The following FRMD1 variants were observed in gnomAD, a reference collection of about 807,000 sequenced individuals.
The protein encoded by FRMD1 is FERM domain-containing protein 1.
A neutral mutation model predicts 54.9 loss-of-function variants in FRMD1; 51 were observed. That is an observed-to-expected ratio of 0.93 (90% CI 0.74 to 1.17). FRMD1 has a LOEUF of 1.17. Among genes scored for constraint, FRMD1 ranks in the 50% most tolerant of loss-of-function variants. FRMD1 has a pLI of 0.00. For missense variants in FRMD1, 729 were observed against 743.0 expected (o/e 0.98, Z 0.22); for synonymous variants, 324 against 306.4 (o/e 1.06, Z -0.60).
chr6:168,063,824 G>A, intron 5 of FRMD1, 68 bp from the exon 6 acceptor site: 1 of 1,487,818 alleles, frequency 6.7e-7, no homozygotes. Flanking sequence ...CCAGCCCCCT[G>A]CTCCGAGAAG....
chr6:168,082,392 A>AC (rs1190126312), upstream of FRMD1, among the ~76,000 whole-genome samples: 1 of 152,006 alleles, frequency 6.6e-6, no homozygotes, highest in Non-Finnish European at 1.5e-5. Flanking sequence ...CCCTTCGGCC[A>AC]CCCGACCCCT....
intron 2 of FRMD1, among the ~76,000 whole-genome samples, chr6:168,073,281 G>A (rs915242514): frequency 2.0e-5 from 3 of 151,964 alleles, no homozygotes; most frequent in East Asian, 1.9e-4. Context: ...AAAGGGAGGC[G>A]CCCTCCAGCT....
At chr6:168,084,406 TAG>T (rs904896035), upstream of FRMD1, among the ~76,000 whole-genome samples, 1 of 152,206 alleles carries the variant, frequency 6.6e-6, no homozygotes, top group African/African-American at 2.4e-5. Flanking sequence ...AAAAAAGCCA[TAG>T]AGAGCCAACA....
chr6:168,066,761 A>G lies in FRMD1; in HGVS notation c.455T>C (p.Val152Ala). ...RVQHYVENGRVISDHRARHLY... is the reference protein window; with the variant it reads ...RVQHYVENGRAISDHRARHLY... ...ACAGTCCGCATGCCGTTACCTTATGACCCTTCCGTTTTCCACGTAGTGCTG... is the reference window on the plus strand; with the variant it reads ...ACAGTCCGCATGCCGTTACCTTATGGCCCTTCCGTTTTCCACGTAGTGCTG... The change falls in exon 4 of 11, where the codon GTC becomes GCC. Residue 152 changes from valine (V) to alanine (A), a missense_variant. Physicochemically the swap from Val to Ala is moderately conservative, Grantham distance 64. Coordinates refer to ENST00000283309, the MANE Select transcript of FRMD1 (RefSeq NM_024919.6). 6.2e-7 allele frequency: 1 copy of G among 1,613,662 alleles called. No individual in the cohort carries two copies. The highest frequency in any genetic ancestry group is 8.5e-7 in the Non-Finnish European group (1 of 1,179,904).
chr6:168,079,173 G>T lies in FRMD1; in HGVS notation c.-79C>A. 1.4e-6 allele frequency: 2 copies of T among 1,451,372 alleles called. No individual in the cohort carries two copies. The highest frequency in any genetic ancestry group is 1.4e-5 in the South Asian group (1 of 70,042). 89.9% of individuals were successfully genotyped at this position (1,451,372 alleles called of 1,614,324 possible). A position where few individuals can be genotyped will look rare whatever the true frequency, so the allele number is the denominator to read the frequency against. On this transcript the variant is annotated 5_prime_UTR_variant, in exon 1 of 11. Transcript: ENST00000283309. ...CTCCCAGATCACAGCTGTGCTTTCC[G>T]GGACCCGCCCTTGCCGAGCTTCTCA...
At chr6:168,066,405 G>A (rs931123227) in intron 4 of FRMD1, 10 of 508,256 alleles carry the variant, frequency 2.0e-5, no homozygotes, top group Non-Finnish European at 2.1e-5. Flanking sequence ...GACTAAGGCA[G>A]AAGAATCGCT....
At chr6:168,070,152 A>T (rs1227897108) in intron 2 of FRMD1, among the ~76,000 whole-genome samples, 3 of 151,792 alleles carry the variant, frequency 2.0e-5, no homozygotes, top group Non-Finnish European at 4.4e-5. Flanking sequence ...CTGAGCCATG[A>T]TCATAGCACT....
intron 1 of FRMD1, among the ~76,000 whole-genome samples, chr6:168,088,652 C>T (rs1449188567): frequency 1.3e-5 from 2 of 152,182 alleles, no homozygotes; most frequent in African/African-American, 4.8e-5. Context: ...TGCAGCCAGG[C>T]AGGTGGGAGG....
At chr6:168,089,593 T>C (rs1176315254) in intron 1 of FRMD1, among the ~76,000 whole-genome samples, 2 of 152,238 alleles carry the variant, frequency 1.3e-5, no homozygotes, top group Non-Finnish European at 2.9e-5. Flanking sequence ...TAATCGACCA[T>C]CAGCAGCTTC....
At chr6:168,063,577 A>G (rs187719347) in intron 6 of FRMD1, 24 bp downstream of exon 6, 3 of 1,592,326 alleles carry the variant, frequency 1.9e-6, no homozygotes, top group African/African-American at 1.3e-5. Context: ...AGTCCAGCCC[A>G]TCGCTGGCCG....
At chr6:168,092,429 C>A (rs1801030198) in intron 1 of FRMD1, among the ~76,000 whole-genome samples, 1 of 152,052 alleles carries the variant, frequency 6.6e-6, no homozygotes, top group South Asian at 2.1e-4. Context: ...GTGATGTGGT[C>A]ATGGGGGTGG....
intron 2 of FRMD1, among the ~76,000 whole-genome samples, chr6:168,069,300 G>C (rs2114991229): frequency 6.6e-6 from 1 of 152,334 alleles, no homozygotes; most frequent in Non-Finnish European, 1.5e-5. Context: ...AAATCTTGTT[G>C]GTAGACAGCC....
In FRMD1 at chr6:168,059,103, G is replaced by T; in HGVS notation, c.1407+21C>A. 1 of 1,549,678 alleles carries T rather than the reference G, an allele frequency of 6.5e-7. No individual in the cohort carries two copies. ...GTGGAGGAGCAGGGCCAGGGCTTCT[G>T]GCCCGTGGGGGGGACTCTACCTGGT... On this transcript the variant is annotated intron_variant, in intron 10 of 10. Coordinates refer to ENST00000283309, the MANE Select transcript of FRMD1 (RefSeq NM_024919.6). This position sits in a 1 kb window ranked among gnomAD's most constrained non-coding sequence, Gnocchi z 4.4.
chr6:168,089,379 C>A (rs1005768538), intron 1 of FRMD1, among the ~76,000 whole-genome samples: 12 of 152,192 alleles, frequency 7.9e-5, no homozygotes, highest in African/African-American at 2.9e-4. Context: ...AGGCCCGTGG[C>A]CCTGGAGGGA....
chr6:168,061,750 C>T, intron 8 of FRMD1, 57 bp downstream of exon 8: 1 of 1,484,692 alleles, frequency 6.7e-7, no homozygotes. Context: ...GTGTGCCCAG[C>T]CTAGCCCAGA....
Position 168,063,657 on chromosome 6 carries a change from T to G in FRMD1, c.748A>C (p.Ile250Leu). ...TCCTCCAGCCGGCAGGCCTCCTGGA[T>G]GAAGCACAGCATGGCCTCCTTGGGG... is the stretch of plus-strand genomic sequence containing the variant. ...LSPKEAMLCF[I>L]QEACRLEDVP... Residue 250 changes from isoleucine (I) to leucine (L), a missense_variant, in exon 6 of 11, where the codon ATC (isoleucine) becomes CTC (leucine). Physicochemically the swap from Ile to Leu is conservative, Grantham distance 5. Coordinates refer to ENST00000283309, the MANE Select transcript of FRMD1 (RefSeq NM_024919.6). 6.2e-7 allele frequency: 1 copy of G among 1,613,798 alleles called. No homozygotes were observed. Among genetic ancestry groups the G allele is most frequent in the Non-Finnish European group, 8.5e-7 (1 of 1,179,874 alleles).
chr6:168,067,101 C>T, intron 3 of FRMD1: 1 of 705,424 alleles, frequency 1.4e-6, no homozygotes, highest in Non-Finnish European at 2.6e-6. Context: ...CCACAGTCCC[C>T]CTGCGGACAG....
At chr6:168,067,022 T>C in intron 3 of FRMD1, 191 bp from the exon 4 acceptor site, 1 of 807,190 alleles carries the variant, frequency 1.2e-6, no homozygotes, top group South Asian at 1.5e-5. Context: ...GGACGTGGTC[T>C]ACAGCGTTCA....
intron 2 of FRMD1, among the ~76,000 whole-genome samples, chr6:168,068,488 C>T (rs1800152121): frequency 6.6e-6 from 1 of 152,170 alleles, no homozygotes; most frequent in South Asian, 2.1e-4. Flanking sequence ...TCCTCATGTA[C>T]ACTTTACATC....
Sources: allele counts gnomAD v4.1 joint callset (sites outside exome capture counted in the v4.1 genomes callset), GRCh38; gene constraint gnomAD v4.1.1; non-coding constraint Gnocchi (gnomAD v3.1); transcripts MANE v1.5; gene names NCBI Gene and HGNC (gene_info 2026-07-23, HGNC 2026-07-21).